The following ERICH3 variants were observed in gnomAD, a reference collection of about 807,000 sequenced individuals.
ERICH3 encodes the protein glutamate rich 3, also known as glutamate-rich protein 3.
ERICH3 carries 126 observed loss-of-function variants against 131.1 expected under a neutral mutation model. The observed-to-expected ratio is 0.96, with a 90% confidence interval of 0.83 to 1.11. The LOEUF is 1.11. Ranked by LOEUF, ERICH3 falls within the 50% of genes most tolerant of loss-of-function variation. The probability of loss-of-function intolerance (pLI) is 0.00; values close to 1 mark genes in which losing one functional copy is unlikely to be tolerated. For missense variants in ERICH3, 2,050 were observed against 1,810.7 expected, an observed-to-expected ratio of 1.13 and a Z score of -2.40; for synonymous variants, 695 against 644.6, an observed-to-expected ratio of 1.08 and a Z score of -1.18.
intron 10 of ERICH3, among the ~76,000 whole-genome samples, chr1:74,601,826 T>C (rs1240639397): frequency 1.3e-5 from 2 of 151,866 alleles, no homozygotes; most frequent in Admixed American, 6.6e-5. Context: ...TTACTGACTA[T>C]GTGACCGTGG....
At chr1:74,638,771 C>T (rs895595813) in intron 5 of ERICH3, among the ~76,000 whole-genome samples, 1 of 152,172 alleles carries the variant, frequency 6.6e-6, no homozygotes, top group Non-Finnish European at 1.5e-5. Flanking sequence ...TGTGCTCTCA[C>T]TTTACCTCTT....
intron 11 of ERICH3, among the ~76,000 whole-genome samples, chr1:74,593,138 G>A (rs995167016): frequency 2.6e-5 from 4 of 152,132 alleles, no homozygotes; most frequent in Admixed American, 6.6e-5. Flanking sequence ...CACTCATTGC[G>A]TGAGGTCTTG....
intron 10 of ERICH3, among the ~76,000 whole-genome samples, chr1:74,601,407 AAAG>A (rs1648124464): frequency 6.6e-6 from 1 of 151,900 alleles, no homozygotes; most frequent in South Asian, 2.1e-4. Context: ...TTTATTGAGG[AAAG>A]AAGATGTAGG....
chr1:74,620,993 A>G, intron 7 of ERICH3, 79 bp from the exon 8 acceptor site: 3 of 1,166,714 alleles, frequency 2.6e-6, no homozygotes, highest in Non-Finnish European at 3.4e-6. Context: ...TAATATGAAG[A>G]ATAAAGAAGG....
At chr1:74,584,259 T>C (rs1401347671) in intron 12 of ERICH3, among the ~76,000 whole-genome samples, 1 of 152,192 alleles carries the variant, frequency 6.6e-6, no homozygotes, top group African/African-American at 2.4e-5. Flanking sequence ...AATGCTAAAG[T>C]TTAGCCTCCA....
intron 12 of ERICH3, among the ~76,000 whole-genome samples, chr1:74,588,028 G>A (rs1019241519): frequency 6.6e-6 from 1 of 152,136 alleles, no homozygotes; most frequent in African/African-American, 2.4e-5. Context: ...TTGGCTTGCA[G>A]GCTATTTAGA....
chr1:74,632,147 A>G (rs1646344539), intron 6 of ERICH3, among the ~76,000 whole-genome samples: 3 of 152,142 alleles, frequency 2.0e-5, no homozygotes, highest in Admixed American at 1.3e-4. Flanking sequence ...TTTAACTAAC[A>G]TAAAGTGATG....
chr1:74,605,880 G>C (rs764033792), intron 10 of ERICH3, among the ~76,000 whole-genome samples: 1 of 151,770 alleles, frequency 6.6e-6, no homozygotes, highest in Non-Finnish European at 1.5e-5. Flanking sequence ...TTTGGTGCAG[G>C]GTTGCCACAA....
At chr1:74,650,929 C>T (rs538424970) in intron 1 of ERICH3, among the ~76,000 whole-genome samples, 2 of 150,108 alleles carry the variant, frequency 1.3e-5, no homozygotes, top group South Asian at 2.1e-4. Context: ...GGAAGACAGA[C>T]AGAGATAGAC....
chr1:74,618,445 T>C (rs778243118), intron 8 of ERICH3, among the ~76,000 whole-genome samples: 59 of 152,106 alleles, frequency 3.9e-4, no homozygotes, highest in Non-Finnish European at 6.9e-4. Context: ...AATGCACAGA[T>C]AGATGCAACA....
At chr1:74,651,909 A>T (rs1371912995) in intron 1 of ERICH3, among the ~76,000 whole-genome samples, 2 of 152,124 alleles carry the variant, frequency 1.3e-5, no homozygotes, top group Admixed American at 6.5e-5. Flanking sequence ...CCTGATTTTA[A>T]TTCTGCTCTC....
intron 9 of ERICH3, among the ~76,000 whole-genome samples, chr1:74,612,042 T>C (rs1418669746): frequency 4.6e-5 from 7 of 152,194 alleles, no homozygotes; most frequent in Non-Finnish European, 1.0e-4. Flanking sequence ...CAAGCAAGAC[T>C]CCTGATTTCA....
chr1:74,580,387 T>A (rs1647156239), intron 12 of ERICH3, among the ~76,000 whole-genome samples: 1 of 152,218 alleles, frequency 6.6e-6, no homozygotes, highest in Non-Finnish European at 1.5e-5. Flanking sequence ...AAAGCTATTT[T>A]AAACACTACT....
intron 11 of ERICH3, among the ~76,000 whole-genome samples, chr1:74,595,964 G>A (rs1647826674): frequency 6.6e-6 from 1 of 151,984 alleles, no homozygotes; most frequent in South Asian, 2.1e-4. Context: ...ACATTACACT[G>A]AAGTCCAACG....
At chr1:74,665,576 T>C (rs1646683871) in intron 1 of ERICH3, among the ~76,000 whole-genome samples, 1 of 152,148 alleles carries the variant, frequency 6.6e-6, no homozygotes, top group African/African-American at 2.4e-5. Context: ...TTTCTCATGG[T>C]TCTAGAAATC....
At chr1:74,590,420 G>A (rs1197698232) in intron 11 of ERICH3, among the ~76,000 whole-genome samples, 3 of 152,154 alleles carry the variant, frequency 2.0e-5, no homozygotes, top group Non-Finnish European at 4.4e-5. Flanking sequence ...GAATCAGTGG[G>A]AGCCCTGAGC....
intron 9 of ERICH3, among the ~76,000 whole-genome samples, chr1:74,611,162 G>GCATTT (rs1281160627): frequency 6.6e-6 from 1 of 152,040 alleles, no homozygotes; most frequent in East Asian, 1.9e-4. Flanking sequence ...TGCCTACTCA[G>GCATTT]CATTTCTACT....
Position 74,599,766 on chromosome 1 carries a change from G to T in ERICH3, c.1655C>A (p.Pro552Gln). 1 of 1,612,376 alleles carries T rather than the reference G, an allele frequency of 6.2e-7. No individual in the cohort carries two copies. Among genetic ancestry groups the T allele is most frequent in the Non-Finnish European group, 8.5e-7 (1 of 1,178,982 alleles). The change falls in exon 11 of 15, where the codon CCA becomes CAA. Residue 552 changes from proline to glutamine, a missense_variant. Physicochemically the swap from Pro to Gln is moderately conservative, Grantham distance 76. Coordinates refer to ENST00000326665, the MANE Select transcript of ERICH3 (RefSeq NM_001002912.5). ...KESETSSQKAPDARDNVKDEN... is the reference protein window; with the variant it reads ...KESETSSQKAQDARDNVKDEN... ...ATCTTTCACATTGTCACGGGCATCTGGTGCCTTCTGTGATGAGGTTTCACT... is the reference window on the plus strand; with the variant it reads ...ATCTTTCACATTGTCACGGGCATCTTGTGCCTTCTGTGATGAGGTTTCACT...
At chr1:74,620,937 G>T in intron 7 of ERICH3, 23 bp from the exon 8 acceptor site, 2 of 1,485,018 alleles carry the variant, frequency 1.3e-6, no homozygotes, top group South Asian at 1.4e-5. Flanking sequence ...GAAAAATGAG[G>T]CTTATTAACG....
Sources: gnomAD v4.1 joint callset for allele counts (sites outside exome capture counted in the v4.1 genomes callset) on GRCh38, gnomAD v4.1.1 for gene constraint, MANE v1.5 for transcripts, NCBI Gene and HGNC (gene_info 2026-07-23, HGNC 2026-07-21) for gene names.